The following GRID2 variants were observed in gnomAD, a reference collection of about 807,000 sequenced individuals.
The protein encoded by GRID2 is glutamate receptor ionotropic, delta-2.
A neutral mutation model predicts 114.8 loss-of-function variants in GRID2; 33 were observed. That is an observed-to-expected ratio of 0.29 (90% CI 0.22 to 0.38). GRID2 has a LOEUF of 0.38. Among genes scored for constraint, GRID2 ranks in the 10% least tolerant of loss-of-function variants. GRID2 has a pLI of 1.00. For missense variants in GRID2, 1,184 were observed against 1,257.7 expected (o/e 0.94, Z 0.89); for synonymous variants, 505 against 449.9 (o/e 1.12, Z -1.55).
chr4:93,500,466 A>G (rs1468208259), intron 12 of GRID2, among the ~76,000 whole-genome samples: 2 of 151,878 alleles, frequency 1.3e-5, no homozygotes, highest in Admixed American at 6.6e-5. Flanking sequence ...ACAATTCTAT[A>G]TATTAATTGT....
chr4:93,053,036 G>A (rs985259900), intron 2 of GRID2, among the ~76,000 whole-genome samples: 5 of 151,830 alleles, frequency 3.3e-5, no homozygotes, highest in African/African-American at 4.8e-5. Flanking sequence ...AGGTACCATC[G>A]GTGGAAGAAA....
chr4:93,520,599 A>T (rs114655922), intron 13 of GRID2, among the ~76,000 whole-genome samples: 78 of 152,004 alleles, frequency 5.1e-4, no homozygotes, highest in African/African-American at 1.8e-3. Flanking sequence ...TTGCACAGAG[A>T]GGGGGTTAGG....
chr4:93,313,454 A>T (rs1756241285), intron 8 of GRID2, among the ~76,000 whole-genome samples: 1 of 152,210 alleles, frequency 6.6e-6, no homozygotes, highest in Admixed American at 6.5e-5. Context: ...ATCCACAAGG[A>T]TACTTACCTA....
At chr4:92,508,714 G>A (rs1049023987) in intron 1 of GRID2, among the ~76,000 whole-genome samples, 33 of 151,932 alleles carry the variant, frequency 2.2e-4, no homozygotes, top group African/African-American at 7.7e-4. Flanking sequence ...TCTGAGTAAG[G>A]AGGTTGGATT....
At chr4:93,597,626 G>C (rs1182144364) in intron 13 of GRID2, among the ~76,000 whole-genome samples, 2 of 152,122 alleles carry the variant, frequency 1.3e-5, no homozygotes, top group African/African-American at 4.8e-5. Flanking sequence ...ATCCTTATCA[G>C]AGCAGTCACT....
At chr4:93,326,376 A>G (rs1194182027) in intron 8 of GRID2, among the ~76,000 whole-genome samples, 1 of 152,284 alleles carries the variant, frequency 6.6e-6, no homozygotes, top group South Asian at 2.1e-4. Flanking sequence ...TGCTGCAAAT[A>G]TTCCTGGTGC....
chr4:92,664,840 G>C (rs1732691818), intron 2 of GRID2, among the ~76,000 whole-genome samples: 1 of 150,858 alleles, frequency 6.6e-6, no homozygotes, highest in African/African-American at 2.4e-5. Context: ...TTTTAGTATA[G>C]TTACTCCTGA....
chr4:93,288,996 T>C (rs1364997326), intron 8 of GRID2, among the ~76,000 whole-genome samples: 1 of 152,210 alleles, frequency 6.6e-6, no homozygotes, highest in East Asian at 1.9e-4. Flanking sequence ...TTTGTTTTAT[T>C]AAGTGTGAAA....
At chr4:92,832,897 A>T (rs920333734) in intron 2 of GRID2, among the ~76,000 whole-genome samples, 1 of 152,216 alleles carries the variant, frequency 6.6e-6, no homozygotes, top group East Asian at 1.9e-4. Context: ...TATCAATTAC[A>T]GTATTCATAG....
intron 1 of GRID2, among the ~76,000 whole-genome samples, chr4:92,526,142 G>T (rs1328116952): frequency 6.6e-6 from 1 of 151,898 alleles, no homozygotes; most frequent in African/African-American, 2.4e-5. Context: ...GGGAGGCAAG[G>T]AAGTAAAGAT....
chr4:93,005,018 G>T (rs1278953221), intron 2 of GRID2, among the ~76,000 whole-genome samples: 2 of 151,676 alleles, frequency 1.3e-5, no homozygotes, highest in Admixed American at 6.6e-5. Context: ...TAGCCTTTAG[G>T]GCACTCACTG....
chr4:93,104,471 C>A (rs980095131), intron 3 of GRID2, among the ~76,000 whole-genome samples: 10 of 151,772 alleles, frequency 6.6e-5, no homozygotes, highest in African/African-American at 1.9e-4. Flanking sequence ...CCCCACCCCA[C>A]AACAGTCCCC....
At chr4:93,344,086 G>T (rs1289176348) in intron 8 of GRID2, among the ~76,000 whole-genome samples, 1 of 151,980 alleles carries the variant, frequency 6.6e-6, no homozygotes, top group Non-Finnish European at 1.5e-5. Context: ...AAATTACACA[G>T]TCCTCCTTGA....
chr4:92,527,415 G>C (rs1725097261), intron 1 of GRID2, among the ~76,000 whole-genome samples: 1 of 152,054 alleles, frequency 6.6e-6, no homozygotes, highest in South Asian at 2.1e-4. Context: ...CATTTAATCT[G>C]TGTTATATAT....
chr4:92,958,358 A>C (rs151307400), intron 2 of GRID2, among the ~76,000 whole-genome samples: 1 of 152,100 alleles, frequency 6.6e-6, no homozygotes, highest in African/African-American at 2.4e-5. Context: ...TGACTGAGAG[A>C]TTTTATGATG....
intron 1 of GRID2, among the ~76,000 whole-genome samples, chr4:92,469,946 A>C (rs1721952169): frequency 6.6e-6 from 1 of 151,986 alleles, no homozygotes; most frequent in African/African-American, 2.4e-5. Flanking sequence ...TTTTAAATGT[A>C]ATTATATTAA....
At chr4:93,056,083 C>G (rs749820897) in intron 2 of GRID2, among the ~76,000 whole-genome samples, 4 of 151,908 alleles carry the variant, frequency 2.6e-5, no homozygotes, top group Non-Finnish European at 4.4e-5. Flanking sequence ...ACATCTTTAT[C>G]TCTTAGAGCA....
At chr4:93,805,905 T>C (rs1463988473) in intron 1 of GRID2, among the ~76,000 whole-genome samples, 1 of 152,154 alleles carries the variant, frequency 6.6e-6, no homozygotes, top group East Asian at 1.9e-4. Flanking sequence ...GAGACTAGCT[T>C]GACCAATATG....
chr4:92,983,376 A>C (rs1754331091), intron 2 of GRID2, among the ~76,000 whole-genome samples: 1 of 152,118 alleles, frequency 6.6e-6, no homozygotes, highest in South Asian at 2.1e-4. Context: ...AAGCCCATTC[A>C]CAAGAAAGGA....
Sources: gnomAD v4.1 joint callset for allele counts (sites outside exome capture counted in the v4.1 genomes callset) on GRCh38, gnomAD v4.1.1 for gene constraint, MANE v1.5 for transcripts, NCBI Gene and HGNC (gene_info 2026-07-23, HGNC 2026-07-21) for gene names.